Variants in ST8SIA5 observed in about 807,000 individuals in gnomAD.
ST8SIA5 encodes the protein alpha-2,8-sialyltransferase 8E.
In ST8SIA5, 24 loss-of-function variants were observed where a neutral mutation model predicts 40.2. The ratio of observed to expected loss-of-function variants is 0.60; its 90% CI spans 0.43 to 0.84. The LOEUF (loss-of-function observed/expected upper bound fraction) is 0.84. ST8SIA5 is among the 40% of genes least tolerant of loss of function. ST8SIA5 has a pLI of 0.00. For synonymous variants in ST8SIA5, 198 were observed against 201.8 expected (o/e 0.98, Z 0.16); for missense variants, 465 against 498.5 (o/e 0.93, Z 0.64).
chr18:46,732,804 G>A (rs1427914746), intron 1 of ST8SIA5, among the ~76,000 whole-genome samples: 3 of 152,106 alleles, frequency 2.0e-5, no homozygotes, highest in African/African-American at 7.2e-5. Flanking sequence ...GGGGGCGAAA[G>A]GCTTCAATGC....
rs2039307880 is a variant in ST8SIA5 at position 46,671,327 on chromosome 18, TG to T, written c.*8714del. 6.6e-6 allele frequency: 1 copy of T among 152,158 alleles called. No individual in the cohort carries two copies. Among genetic ancestry groups the T allele is most frequent in the African/African-American group, 2.4e-5 (1 of 41,420 alleles). The allele number at this position is 152,158 out of a possible 1,614,324, so 9.4% of individuals were successfully genotyped here. On this transcript the variant is annotated 3_prime_UTR_variant, in exon 7 of 7. Coordinates refer to ENST00000315087, the MANE Select transcript of ST8SIA5 (RefSeq NM_013305.6). ...TTCAGCTCAAGCCTGTTCCAAAGTA[TG>T]ATAGAAAAGGAAATGCATAAAGAAG...
chr18:46,710,211 C>T (rs985840439), intron 1 of ST8SIA5, among the ~76,000 whole-genome samples: 5 of 152,160 alleles, frequency 3.3e-5, no homozygotes, highest in African/African-American at 1.2e-4. Context: ...TCTCTCTGCC[C>T]TCCACTAAGT....
intron 1 of ST8SIA5, among the ~76,000 whole-genome samples, chr18:46,720,513 GT>G (rs1464403604): frequency 6.6e-6 from 1 of 152,072 alleles, no homozygotes; most frequent in Non-Finnish European, 1.5e-5. Context: ...CATATCAGGG[GT>G]CCTTGAAAAA....
chr18:46,718,190 G>A (rs984398949), intron 1 of ST8SIA5, among the ~76,000 whole-genome samples: 3 of 151,936 alleles, frequency 2.0e-5, no homozygotes, highest in South Asian at 2.1e-4. Flanking sequence ...ATTAGCCGGC[G>A]CTGGTGGCAG....
intron 1 of ST8SIA5, among the ~76,000 whole-genome samples, chr18:46,732,524 C>T (rs115299506): frequency 2.6e-5 from 4 of 152,172 alleles, no homozygotes; most frequent in Non-Finnish European, 5.9e-5. Flanking sequence ...CCCAGGTGAG[C>T]GCATTCCAGG....
At chr18:46,728,986 C>T (rs2039959480) in intron 1 of ST8SIA5, among the ~76,000 whole-genome samples, 1 of 152,174 alleles carries the variant, frequency 6.6e-6, no homozygotes, top group Non-Finnish European at 1.5e-5. Flanking sequence ...CCAGGAGTGG[C>T]CCTGCAGTTT....
At chr18:46,703,665 C>A (rs1237984357) in intron 2 of ST8SIA5, among the ~76,000 whole-genome samples, 1 of 152,148 alleles carries the variant, frequency 6.6e-6, no homozygotes, top group Non-Finnish European at 1.5e-5. Flanking sequence ...ACCCCAGATG[C>A]CCCTGGGGTT....
In ST8SIA5 at chr18:46,688,857, G is replaced by C. The variant is rs2039474540; in HGVS notation, c.374C>G (p.Pro125Arg). ...AFLFTTQKNT[P>R]LGTKLKYEVD... Reference sequence around the variant, plus strand: ...CTCATACTTGAGCTTTGTCCCCAGGGGAGTGTTCTTCTGGGTGGTGAAGAG... The same window carrying C: ...CTCATACTTGAGCTTTGTCCCCAGGCGAGTGTTCTTCTGGGTGGTGAAGAG... The change falls in exon 4 of 7, where the codon CCC becomes CGC. Residue 125 changes from proline to arginine, a missense_variant. Transcript: ENST00000315087. The C allele has an allele frequency of 6.2e-7, 1 of 1,614,156 alleles. No individual in the cohort carries two copies. Among genetic ancestry groups the C allele is most frequent in the East Asian group, 2.2e-5 (1 of 44,876 alleles).
chr18:46,725,542 G>C (rs771524182), intron 1 of ST8SIA5, among the ~76,000 whole-genome samples: 3 of 113,474 alleles, frequency 2.6e-5, no homozygotes, highest in African/African-American at 4.1e-5. Flanking sequence ...GGCACGGGTG[G>C]GGGGGGAACA....
Position 46,740,875 on chromosome 18 carries a change from T to C in ST8SIA5, c.131+15503A>G, listed in dbSNP as rs193284249. Among the ~76,000 whole-genome samples, 14 of 152,290 alleles carry C rather than the reference T, an allele frequency of 9.2e-5. No homozygotes were observed. The East Asian group carries it at 2.5e-3, about 27-fold the overall frequency. On this transcript the variant is annotated intron_variant, in intron 1 of 6. Transcript: ENST00000315087. ...ACATGGACTAGTAACTGGCACATCG[T>C]AAATGCAATGTCGTTCTGAGTTCTT...
At chr18:46,724,181 C>T (rs12608055) in intron 1 of ST8SIA5, among the ~76,000 whole-genome samples, 79,774 of 152,110 alleles carry the variant, frequency 0.52, 21,722 homozygotes, top group Non-Finnish European at 0.61. Flanking sequence ...TTCTATGATG[C>T]CCACGCACCT....
At chr18:46,687,375 A>T (rs2039458598) in intron 4 of ST8SIA5, among the ~76,000 whole-genome samples, 1 of 152,214 alleles carries the variant, frequency 6.6e-6, no homozygotes, top group African/African-American at 2.4e-5. Flanking sequence ...ATCCTAAAAC[A>T]GTTACCGCCT....
At chr18:46,747,939 G>C (rs2040156783) in intron 1 of ST8SIA5, among the ~76,000 whole-genome samples, 1 of 152,142 alleles carries the variant, frequency 6.6e-6, no homozygotes, top group African/African-American at 2.4e-5. Context: ...GATGAAGCTG[G>C]AAACCATCAT....
intron 1 of ST8SIA5, among the ~76,000 whole-genome samples, chr18:46,729,939 G>A (rs533277746): frequency 6.6e-6 from 1 of 152,126 alleles, no homozygotes. Flanking sequence ...CCAGGCCAGG[G>A]TTCTACTAAG....
intron 2 of ST8SIA5, among the ~76,000 whole-genome samples, chr18:46,696,494 C>A (rs755310700): frequency 1.3e-5 from 2 of 152,242 alleles, no homozygotes; most frequent in African/African-American, 4.8e-5. Flanking sequence ...CACCCTGGAC[C>A]AAGGTCAGGG....
chr18:46,686,725 A>G (rs1339131844), intron 4 of ST8SIA5, among the ~76,000 whole-genome samples: 1 of 151,716 alleles, frequency 6.6e-6, no homozygotes, highest in Non-Finnish European at 1.5e-5. Context: ...CCCTGGATGG[A>G]CAGGCCCAGT....
At chr18:46,710,284 C>CTA (rs2039709843) in intron 1 of ST8SIA5, among the ~76,000 whole-genome samples, 5 of 130,946 alleles carry the variant, frequency 3.8e-5, no homozygotes, top group Admixed American at 7.8e-5. Context: ...TCAGTTCTCT[C>CTA]CCTGCCCAGA....
intron 1 of ST8SIA5, chr18:46,721,581 C>A (rs1248080262): frequency 2.3e-6 from 2 of 866,858 alleles, no homozygotes; most frequent in African/African-American, 3.3e-5. Context: ...CTTGGTCATG[C>A]AATTAAAGGA....
chr18:46,693,153 G>A lies in ST8SIA5; in HGVS notation c.225-898C>T, dbSNP rs533274946. Among the ~76,000 whole-genome samples the A allele has an allele frequency of 1.0e-3, 153 of 151,350 alleles. 2 individuals carry two copies. The South Asian group carries it at 0.032, about 31-fold the overall frequency. ...TCATGATGGTCATTTTCATGTCTGC[G>A]TGTCCTACTGTACCTGATTAAAACA... On this transcript the variant is annotated intron_variant, in intron 2 of 6. Coordinates refer to ENST00000315087, the MANE Select transcript of ST8SIA5 (RefSeq NM_013305.6).
Sources: allele counts gnomAD v4.1 joint callset (sites outside exome capture counted in the v4.1 genomes callset), GRCh38; gene constraint gnomAD v4.1.1; transcripts MANE v1.5; gene names NCBI Gene and HGNC (gene_info 2026-07-23, HGNC 2026-07-21).